Variants in ZNF362 observed in about 807,000 individuals in gnomAD.
ZNF362 encodes the protein zinc finger protein 362.
In ZNF362, 11 loss-of-function variants were observed where a neutral mutation model predicts 42.9. The ratio of observed to expected loss-of-function variants is 0.26; its 90% CI spans 0.16 to 0.42. ZNF362 has a LOEUF of 0.42. Ranked by LOEUF, ZNF362 falls within the 20% of genes least tolerant of loss-of-function variation. ZNF362 has a pLI of 1.00. For missense variants in ZNF362, 362 were observed against 576.2 expected (o/e 0.63, Z 3.81); for synonymous variants, 255 against 257.3 (o/e 0.99, Z 0.09).
At chr1:33,185,210 G>C in the ZNF362 span, among the ~76,000 whole-genome samples, 1 of 151,756 alleles carries the variant, frequency 6.6e-6, no homozygotes, top group South Asian at 2.1e-4. Flanking sequence ...TTCTCTGGCT[G>C]AAAGTCACAG....
chr1:33,157,906 G>A, the ZNF362 span, among the ~76,000 whole-genome samples: 2 of 152,054 alleles, frequency 1.3e-5, no homozygotes, highest in Non-Finnish European at 2.9e-5. Flanking sequence ...ACAGGTGCAC[G>A]CCACCATGCC....
At chr1:33,249,314 G>A in the ZNF362 span, among the ~76,000 whole-genome samples, 23 of 152,282 alleles carry the variant, frequency 1.5e-4, no homozygotes, top group Middle Eastern at 6.8e-3. Flanking sequence ...CTGGAGCACC[G>A]AGGCCAAGGG....
At chr1:33,175,049 A>AT in the ZNF362 span, among the ~76,000 whole-genome samples, 1 of 150,818 alleles carries the variant, frequency 6.6e-6, no homozygotes, top group East Asian at 1.9e-4. Context: ...ATGTATATGT[A>AT]TTTTTTTTAA....
At chr1:33,241,245 A>C in the ZNF362 span, among the ~76,000 whole-genome samples, 1 of 152,204 alleles carries the variant, frequency 6.6e-6, no homozygotes, top group East Asian at 1.9e-4. Flanking sequence ...CTGTAATCCT[A>C]GCACTTTGGG....
intron 1 of ZNF362, among the ~76,000 whole-genome samples, chr1:33,258,910 C>T (rs1322629204): frequency 6.6e-6 from 1 of 152,136 alleles, no homozygotes; most frequent in African/African-American, 2.4e-5. Context: ...GCAGAGGAGG[C>T]TTAAATTCAG....
the ZNF362 span, among the ~76,000 whole-genome samples, chr1:33,127,925 A>G: frequency 6.6e-6 from 1 of 151,928 alleles, no homozygotes; most frequent in Non-Finnish European, 1.5e-5. Flanking sequence ...AAGGACTCCT[A>G]CCCTCCACTG....
At chr1:33,155,178 T>C in the ZNF362 span, among the ~76,000 whole-genome samples, 2 of 150,320 alleles carry the variant, frequency 1.3e-5, no homozygotes, top group East Asian at 4.2e-4. Flanking sequence ...TTCAAGCCAT[T>C]CTCCCACCTC....
chr1:33,252,886 G>A (rs1645768790), upstream of ZNF362, among the ~76,000 whole-genome samples: 1 of 152,156 alleles, frequency 6.6e-6, no homozygotes, highest in Non-Finnish European at 1.5e-5. Context: ...GGGCCTCCTA[G>A]AGGAAAGCTT....
chr1:33,219,512 G>A, the ZNF362 span, among the ~76,000 whole-genome samples: 1 of 152,220 alleles, frequency 6.6e-6, no homozygotes, highest in Admixed American at 6.5e-5. Context: ...TAACCAGGTA[G>A]CATGGGCAGC....
At chr1:33,194,434 G>A in the ZNF362 span, among the ~76,000 whole-genome samples, 1 of 151,350 alleles carries the variant, frequency 6.6e-6, no homozygotes, top group Non-Finnish European at 1.5e-5. Context: ...CTACTTGGGA[G>A]GCTGAGGTGG....
the ZNF362 span, among the ~76,000 whole-genome samples, chr1:33,175,030 T>TC: frequency 6.7e-6 from 1 of 149,664 alleles, no homozygotes. Flanking sequence ...TATGTATATG[T>TC]TTATGTATAT....
chr1:33,208,436 T>C, the ZNF362 span, among the ~76,000 whole-genome samples: 5 of 152,180 alleles, frequency 3.3e-5, no homozygotes, highest in Admixed American at 1.3e-4. Flanking sequence ...CCATATGAAA[T>C]TTAAAGTCGT....
the ZNF362 span, among the ~76,000 whole-genome samples, chr1:33,134,922 G>T: frequency 6.6e-6 from 1 of 152,186 alleles, no homozygotes; most frequent in South Asian, 2.1e-4. Context: ...CTGCTTTCCC[G>T]CTGGGTTCCC....
At chr1:33,153,396 T>C in the ZNF362 span, among the ~76,000 whole-genome samples, 2 of 152,210 alleles carry the variant, frequency 1.3e-5, no homozygotes, top group Admixed American at 6.5e-5. Flanking sequence ...AGAGCAGTGG[T>C]TCTCAACTGG....
At position 33,280,176 on chromosome 1, in the gene ZNF362, G is replaced by C; in HGVS notation, c.402G>C (p.Ala134=). The C allele has an allele frequency of 6.2e-7, 1 of 1,611,054 alleles. No individual in the cohort carries two copies. The highest frequency in any genetic ancestry group is 8.5e-7 in the Non-Finnish European group (1 of 1,178,278). The stretch of plus-strand genomic sequence containing the variant: ...CTGTGAGCACTTCTGAGTCAAGCGC[G>C]GGCGCGGGCACGGGCACGGGTACCA... ...TPSVSTSESS[A]GAGTGTGTST... is the part of the protein sequence containing the mutation. The change falls in exon 5 of 9, where the codon GCG becomes GCC. Residue 134 remains alanine, a synonymous_variant. Transcript: ENST00000539719. The surrounding 1 kb of genome is among the most constrained non-coding windows in gnomAD (Gnocchi z 5.6).
At chr1:33,297,624 G>C (rs1268521392) in intron 8 of ZNF362, among the ~76,000 whole-genome samples, 1 of 145,846 alleles carries the variant, frequency 6.9e-6, no homozygotes, top group African/African-American at 2.6e-5. Context: ...CGATTCTCCT[G>C]CCTCAGCCTC....
At chr1:33,264,634 C>T (rs1645853418) in intron 1 of ZNF362, among the ~76,000 whole-genome samples, 2 of 152,160 alleles carry the variant, frequency 1.3e-5, no homozygotes, top group African/African-American at 4.8e-5. Flanking sequence ...TCACATTTCC[C>T]CTTTAAGGGT....
chr1:33,129,875 T>C, the ZNF362 span, among the ~76,000 whole-genome samples: 1 of 152,180 alleles, frequency 6.6e-6, no homozygotes, highest in South Asian at 2.1e-4. The surrounding 1 kb of genome is among the most constrained non-coding windows in gnomAD (Gnocchi z 4.1). Context: ...TTTATTTATT[T>C]TGAGACGGAG....
the ZNF362 span, among the ~76,000 whole-genome samples, chr1:33,236,550 A>AAAAAAAT: frequency 6.7e-4 from 4 of 5,976 alleles, 1 homozygote; most frequent in Non-Finnish European, 1.1e-3. Flanking sequence ...AAAAAAAAAA[A>AAAAAAAT]ATATATATAT....
Sources: allele counts gnomAD v4.1 joint callset (sites outside exome capture counted in the v4.1 genomes callset), GRCh38; gene constraint gnomAD v4.1.1; non-coding constraint Gnocchi (gnomAD v3.1); transcripts MANE v1.5; gene names NCBI Gene and HGNC (gene_info 2026-07-23, HGNC 2026-07-21).